Variants in FCN2 observed in about 807,000 individuals in gnomAD.
FCN2 encodes ficolin-2.
Under a neutral mutation model 32.5 loss-of-function variants are expected in FCN2, and 31 were observed. That is an observed-to-expected ratio of 0.96 (90% CI 0.72 to 1.29). FCN2 has a LOEUF of 1.29. Ranked by LOEUF, FCN2 falls within the 50% of genes most tolerant of loss-of-function variation. The probability of loss-of-function intolerance (pLI) is 0.00; values close to 1 mark genes in which losing one functional copy is unlikely to be tolerated. For synonymous variants in FCN2, 181 were observed against 164.5 expected (o/e 1.10, Z -0.77); for missense variants, 412 against 406.5 (o/e 1.01, Z -0.12).
At chr9:134,869,362 G>A in the FCN2 span, among the ~76,000 whole-genome samples, 1 of 152,218 alleles carries the variant, frequency 6.6e-6, no homozygotes, top group African/African-American at 2.4e-5. Flanking sequence ...TAGCCAGAAA[G>A]CTGAGCCCAC....
At chr9:134,880,423 G>A (rs1830645937), upstream of FCN2, among the ~76,000 whole-genome samples, 1 of 152,228 alleles carries the variant, frequency 6.6e-6, no homozygotes, top group Non-Finnish European at 1.5e-5. Context: ...TGGCCATGAG[G>A]ACTCTAGGTA....
chr9:134,875,954 A>G (rs536409739), upstream of FCN2, among the ~76,000 whole-genome samples: 2 of 152,352 alleles, frequency 1.3e-5, no homozygotes, highest in South Asian at 4.1e-4. Flanking sequence ...TAGAAAAGGA[A>G]TACTTTTTAT....
chr9:134,867,920 C>G, the FCN2 span, among the ~76,000 whole-genome samples: 1 of 152,178 alleles, frequency 6.6e-6, no homozygotes, highest in Non-Finnish European at 1.5e-5. Context: ...TTTCTAAATG[C>G]CATAAATTAC....
chr9:134,872,648 G>A, the FCN2 span, among the ~76,000 whole-genome samples: 101 of 152,184 alleles, frequency 6.6e-4, 1 homozygote, highest in Non-Finnish European at 9.6e-4. Flanking sequence ...GCGTGGTGCG[G>A]GGGAACTCCC....
chr9:134,871,053 CTT>C, the FCN2 span, among the ~76,000 whole-genome samples: 1 of 152,174 alleles, frequency 6.6e-6, no homozygotes, highest in African/African-American at 2.4e-5. Context: ...CCCAAAGTGT[CTT>C]TTGTTTTCTA....
chr9:134,870,243 C>T, the FCN2 span, among the ~76,000 whole-genome samples: 1 of 152,202 alleles, frequency 6.6e-6, no homozygotes, highest in Admixed American at 6.5e-5. The surrounding 1 kb of genome is among the most constrained non-coding windows in gnomAD (Gnocchi z 4.3). Flanking sequence ...AGGCCATTGC[C>T]CCCCGAGGCA....
chr9:134,865,059 G>A, the FCN2 span, among the ~76,000 whole-genome samples: 7 of 152,354 alleles, frequency 4.6e-5, no homozygotes, highest in South Asian at 2.1e-4. Flanking sequence ...CCTGTGCCAC[G>A]ATCAATGTCA....
At position 134,885,848 on chromosome 9, in the gene FCN2, G is replaced by C; in HGVS notation, c.510G>C (p.Leu170=). 5.6e-6 allele frequency: 9 copies of C among 1,613,892 alleles called. No individual in the cohort carries two copies. The highest frequency in any genetic ancestry group is 7.6e-6 in the Non-Finnish European group (9 of 1,179,922). ...ACAAGCAGGGCTTCGGCAGTCGGCT[G>C]GGGGAGTTCTGGCTGGGGAATGACA... The part of the protein sequence containing the change: ...ATYKQGFGSR[L]GEFWLGNDNI... The change falls in exon 6 of 8, where the codon CTG becomes CTC. Residue 170 remains leucine (L), a synonymous_variant. Coordinates refer to ENST00000291744, the MANE Select transcript of FCN2 (RefSeq NM_004108.3).
At chr9:134,875,401 C>T in the FCN2 span, among the ~76,000 whole-genome samples, 1 of 128,640 alleles carries the variant, frequency 7.8e-6, no homozygotes, top group Non-Finnish European at 1.7e-5. Context: ...CCTCACTGCT[C>T]ACAGCCATGT....
At chr9:134,876,024 T>A (rs1161789958), upstream of FCN2, among the ~76,000 whole-genome samples, 1 of 152,366 alleles carries the variant, frequency 6.6e-6, no homozygotes, top group South Asian at 2.1e-4. Context: ...AATCTTTTTC[T>A]GTTTCTTTTG....
intron 3 of FCN2, among the ~76,000 whole-genome samples, chr9:134,883,799 G>A (rs1220722799): frequency 7.0e-6 from 1 of 143,588 alleles, no homozygotes; most frequent in South Asian, 2.4e-4. Flanking sequence ...TCTGGGATGG[G>A]GGAGAGGTTC....
At chr9:134,874,892 A>T in the FCN2 span, among the ~76,000 whole-genome samples, 1 of 152,198 alleles carries the variant, frequency 6.6e-6, no homozygotes, top group African/African-American at 2.4e-5. Context: ...AATATCTTGT[A>T]GTTTTCTGAA....
In FCN2 at chr9:134,882,514, G is replaced by A. The variant is rs755914280; in HGVS notation, c.101-12G>A. On this transcript the variant is annotated splice_polypyrimidine_tract_variant and intron_variant, in intron 1 of 7. Coordinates refer to ENST00000291744, the MANE Select transcript of FCN2 (RefSeq NM_004108.3). The stretch of plus-strand genomic sequence containing the variant: ...CAGGTGACACTGAGTGGCCACCTGT[G>A]TTTTTCTGCAGAGGTGAAGATGGTG... The A allele has an allele frequency of 5.0e-6, 8 of 1,612,108 alleles. No individual in the cohort carries two copies. The highest frequency in any genetic ancestry group is 1.3e-5 in the African/African-American group (1 of 74,900).
chr9:134,877,484 A>G (rs895181882), upstream of FCN2, among the ~76,000 whole-genome samples: 1 of 152,104 alleles, frequency 6.6e-6, no homozygotes, highest in Non-Finnish European at 1.5e-5. Flanking sequence ...AATTAATTCC[A>G]TTGTTGTCCG....
At position 134,882,651 on chromosome 9, in the gene FCN2, C is replaced by T. The variant is rs948561971; in HGVS notation, c.214+12C>T. 3 of 1,566,412 alleles carry T rather than the reference C, an allele frequency of 1.9e-6. No homozygotes were observed. The highest frequency in any genetic ancestry group is 2.6e-6 in the Non-Finnish European group (3 of 1,137,010). On this transcript the variant is annotated intron_variant, in intron 2 of 7. Transcript: ENST00000291744. ...CAATGGAAAGAGAGGTAGGTGCAGG[C>T]ATGGCTGGGGGCACTGGCTCTTGCT...
At chr9:134,885,960 G>C (rs1417889422) in intron 6 of FCN2, 63 bp downstream of exon 6, 5 of 1,509,990 alleles carry the variant, frequency 3.3e-6, no homozygotes, top group Non-Finnish European at 4.5e-6. Context: ...TGCCTCTTGG[G>C]CCTGGGCTGC....
At chr9:134,878,894 G>A (rs1215551254), upstream of FCN2, among the ~76,000 whole-genome samples, 1 of 152,150 alleles carries the variant, frequency 6.6e-6, no homozygotes, top group East Asian at 1.9e-4. Flanking sequence ...TTTTAAAAGT[G>A]TGACTTATAA....
intron 3 of FCN2, 71 bp downstream of exon 3, chr9:134,883,426 G>A (rs1010083986): frequency 1.1e-5 from 15 of 1,342,906 alleles, no homozygotes; most frequent in East Asian, 2.3e-5. Context: ...AACGTGAGGC[G>A]GGTCTTCTGG....
chr9:134,873,385 G>A, the FCN2 span, among the ~76,000 whole-genome samples: 3 of 152,268 alleles, frequency 2.0e-5, no homozygotes, highest in Admixed American at 2.0e-4. Context: ...GCTTTTAGAG[G>A]CTGCTGCGTA....
Sources: gnomAD v4.1 joint callset for allele counts (sites outside exome capture counted in the v4.1 genomes callset) on GRCh38, gnomAD v4.1.1 for gene constraint, Gnocchi (gnomAD v3.1) non-coding constraint, MANE v1.5 for transcripts, NCBI Gene and HGNC (gene_info 2026-07-23, HGNC 2026-07-21) for gene names.